IQSEC1: variants seen among roughly 807,000 people sequenced by gnomAD.
The protein encoded by IQSEC1 is IQ motif and SEC7 domain-containing protein 1.
A neutral mutation model predicts 91.0 loss-of-function variants in IQSEC1; 31 were observed. The ratio of observed to expected loss-of-function variants is 0.34; its 90% CI spans 0.26 to 0.46. IQSEC1 has a LOEUF of 0.46. Ranked by LOEUF, IQSEC1 falls within the 20% of genes least tolerant of loss-of-function variation. IQSEC1 has a pLI of 1.00. For missense variants in IQSEC1, 1,388 were observed against 1,575.6 expected (o/e 0.88, Z 2.02); for synonymous variants, 699 against 662.6 (o/e 1.05, Z -0.84).
chr3:13,238,949 G>A (rs2125100230), intron 1 of IQSEC1, among the ~76,000 whole-genome samples: 1 of 152,354 alleles, frequency 6.6e-6, no homozygotes, highest in Non-Finnish European at 1.5e-5. Flanking sequence ...TTCTCTGGGA[G>A]GAGGGGGATT....
At chr3:13,029,681 CGTGA>C (rs2125004291) in intron 1 of IQSEC1, among the ~76,000 whole-genome samples, 1 of 152,328 alleles carries the variant, frequency 6.6e-6, no homozygotes, top group South Asian at 2.1e-4. Flanking sequence ...TGTGCGTGAG[CGTGA>C]GTGTGTGTGC....
intron 1 of IQSEC1, among the ~76,000 whole-genome samples, chr3:13,030,083 C>A (rs1279153214): frequency 1.3e-5 from 2 of 152,190 alleles, no homozygotes; most frequent in African/African-American, 4.8e-5. Context: ...GGATTACAGG[C>A]GTGAGCCATC....
intron 2 of IQSEC1, among the ~76,000 whole-genome samples, chr3:13,122,173 A>AGCCTCCCAGAGCCTG (rs1706436791): frequency 6.6e-6 from 1 of 152,232 alleles, no homozygotes; most frequent in African/African-American, 2.4e-5. Flanking sequence ...GGGCAGGGAA[A>AGCCTCCCAGAGCCTG]GCCTCCCTGA....
intron 10 of IQSEC1, among the ~76,000 whole-genome samples, chr3:12,910,926 C>T (rs997099713): frequency 2.6e-5 from 4 of 152,182 alleles, no homozygotes; most frequent in Non-Finnish European, 5.9e-5. Flanking sequence ...ACTGGCTCAG[C>T]CTCCAACAGG....
At chr3:12,947,519 G>A (rs184879120) in intron 1 of IQSEC1, among the ~76,000 whole-genome samples, 1 of 152,002 alleles carries the variant, frequency 6.6e-6, no homozygotes, top group South Asian at 2.1e-4. Context: ...GCACCATGGA[G>A]GAGTCTTGCT....
At chr3:13,046,429 G>A (rs536701434) in intron 1 of IQSEC1, among the ~76,000 whole-genome samples, 5 of 152,170 alleles carry the variant, frequency 3.3e-5, no homozygotes, top group Admixed American at 6.5e-5. Context: ...CCACCCCCTC[G>A]CTCCCTGCAG....
intron 1 of IQSEC1, among the ~76,000 whole-genome samples, chr3:13,002,974 G>C (rs1211731697): frequency 6.6e-6 from 1 of 151,940 alleles, no homozygotes; most frequent in Non-Finnish European, 1.5e-5. Context: ...TCCACTTCTA[G>C]GTATCTACTA....
At chr3:13,235,547 G>A (rs1171677786) in intron 1 of IQSEC1, among the ~76,000 whole-genome samples, 1 of 152,162 alleles carries the variant, frequency 6.6e-6, no homozygotes, top group East Asian at 1.9e-4. Flanking sequence ...AAATTGCCCA[G>A]AGGTGCCCCT....
Position 12,922,288 on chromosome 3 carries a change from C to T in IQSEC1, c.1731-46G>A, listed in dbSNP as rs745780103. 29 of 1,487,378 alleles carry T rather than the reference C, an allele frequency of 1.9e-5. No homozygotes were observed. The highest frequency in any genetic ancestry group is 6.0e-5 in the Admixed American group (3 of 49,894). The allele number at this position is 1,487,378 out of a possible 1,614,324, so 92.1% of individuals were successfully genotyped here. ...CCCGCATAAGCACCCCTTGCAGGTG[C>T]GACACGCCCAGCCCACCCCCAGGTG... On this transcript the variant is annotated intron_variant, in intron 4 of 13. Coordinates refer to ENST00000613206, the MANE Select transcript of IQSEC1 (RefSeq NM_001134382.3). This position sits in a 1 kb window ranked among gnomAD's most constrained non-coding sequence, Gnocchi z 5.1.
chr3:13,142,523 C>T (rs928157494), intron 2 of IQSEC1, among the ~76,000 whole-genome samples: 4 of 152,230 alleles, frequency 2.6e-5, no homozygotes, highest in Non-Finnish European at 5.9e-5. Flanking sequence ...GGCTGCCTTC[C>T]TCCCTGCTGC....
intron 2 of IQSEC1, 70 bp downstream of exon 2, chr3:12,941,501 T>C: frequency 7.2e-7 from 1 of 1,391,178 alleles, no homozygotes; most frequent in South Asian, 1.5e-5. Context: ...CCATGCCTGG[T>C]GGGGGCACAC....
chr3:13,212,886 T>G (rs1694472906), intron 1 of IQSEC1, among the ~76,000 whole-genome samples: 1 of 152,248 alleles, frequency 6.6e-6, no homozygotes, highest in Non-Finnish European at 1.5e-5. Context: ...TTGCTTTGAC[T>G]GCTTTTTAGT....
intron 2 of IQSEC1, among the ~76,000 whole-genome samples, chr3:13,153,936 G>A (rs930037938): frequency 6.6e-6 from 1 of 152,028 alleles, no homozygotes; most frequent in African/African-American, 2.4e-5. Flanking sequence ...CAAACTGGAC[G>A]CTTCAACATG....
chr3:13,075,504 C>G (rs1216288326), upstream of IQSEC1, among the ~76,000 whole-genome samples: 1 of 152,214 alleles, frequency 6.6e-6, no homozygotes, highest in Non-Finnish European at 1.5e-5. Context: ...GAGTGTGGAG[C>G]ACCCAGTGTC....
intron 1 of IQSEC1, among the ~76,000 whole-genome samples, chr3:13,027,219 C>T (rs1326544017): frequency 6.6e-6 from 1 of 152,134 alleles, no homozygotes; most frequent in African/African-American, 2.4e-5. Flanking sequence ...TCTTGGAGGA[C>T]AGTAGTGGGC....
In IQSEC1 at chr3:12,901,480, A is replaced by T; in HGVS notation, c.2848T>A (p.Ser950Thr). 6.5e-7 allele frequency: 1 copy of T among 1,549,878 alleles called. No individual in the cohort carries two copies. The highest frequency in any genetic ancestry group is 8.7e-7 in the Non-Finnish European group (1 of 1,146,888). Residue 950 changes from serine to threonine, a missense_variant, in exon 14 of 14, where the codon TCA (serine) becomes ACA (threonine). Ser to Thr is a moderately conservative substitution (Grantham distance 58). This residue lies in a region of IQSEC1 where 329 missense variants were observed against 257.8 expected (regional missense o/e 1.28). Coordinates refer to ENST00000613206, the MANE Select transcript of IQSEC1 (RefSeq NM_001134382.3). ...SSPHMRRRAT[S>T]TRECPSRPHQ... ...GGGCGAGATGGACACTCTCGTGTTG[A>T]TGTAGCTCTCCGGCGCATGTGAGGA... is the stretch of plus-strand genomic sequence containing the variant.
chr3:13,037,471 G>A (rs978201605), intron 1 of IQSEC1, among the ~76,000 whole-genome samples: 3 of 152,116 alleles, frequency 2.0e-5, no homozygotes, highest in Admixed American at 6.5e-5. Context: ...AAAATGAATC[G>A]ATGAGATCTA....
intron 8 of IQSEC1, 137 bp downstream of exon 8, chr3:12,914,967 A>G: frequency 1.2e-6 from 1 of 825,482 alleles, no homozygotes; most frequent in East Asian, 2.7e-5. Flanking sequence ...CGAACATCTG[A>G]TTCTCAGCAC....
intron 1 of IQSEC1, among the ~76,000 whole-genome samples, chr3:13,006,256 G>C (rs1702632025): frequency 6.6e-6 from 1 of 152,208 alleles, no homozygotes; most frequent in Non-Finnish European, 1.5e-5. Context: ...AGAGGTGATG[G>C]CTGTGCCTCA....
Sources: allele counts gnomAD v4.1 joint callset (sites outside exome capture counted in the v4.1 genomes callset), GRCh38; gene constraint gnomAD v4.1.1; regional missense constraint gnomAD v4.1.1; non-coding constraint Gnocchi (gnomAD v3.1); transcripts MANE v1.5; gene names NCBI Gene and HGNC (gene_info 2026-07-23, HGNC 2026-07-21).